COLQ: variants seen among roughly 807,000 people sequenced by gnomAD.
COLQ encodes the protein collagen like tail subunit of asymmetric acetylcholinesterase.
In COLQ, 48 loss-of-function variants were observed where a neutral mutation model predicts 69.0. The ratio of observed to expected loss-of-function variants is 0.70; its 90% CI spans 0.55 to 0.88. COLQ has a LOEUF of 0.88. Ranked by LOEUF, COLQ falls within the 40% of genes least tolerant of loss-of-function variation. The probability of loss-of-function intolerance (pLI) is 0.00; values close to 1 mark genes in which losing one functional copy is unlikely to be tolerated. For missense variants in COLQ, 618 were observed against 594.6 expected (o/e 1.04, Z -0.41); for synonymous variants, 217 against 211.2 (o/e 1.03, Z -0.24).
Position 15,458,229 on chromosome 3 carries a change from T to C in COLQ, c.911A>G (p.Tyr304Cys). The C allele has an allele frequency of 6.2e-7, 1 of 1,614,050 alleles. No homozygotes were observed. The highest frequency in any genetic ancestry group is 8.5e-7 in the Non-Finnish European group (1 of 1,179,994). Residue 304 changes from tyrosine to cysteine, a missense_variant, in exon 13 of 17, where the codon TAC becomes TGC. Coordinates refer to ENST00000383788, the MANE Select transcript of COLQ (RefSeq NM_005677.4). The part of the protein sequence containing the change: ...GPTMNVNNPS[Y>C]GESVYGPSSP... ...ACTGGGCCCATACACAGATTCCCCG[T>C]AGGAAGGGTTATTCACATTCATAGT...
chr3:15,463,294 C>A (rs146350594), intron 12 of COLQ, among the ~76,000 whole-genome samples: 19 of 152,076 alleles, frequency 1.2e-4, no homozygotes, highest in African/African-American at 3.6e-4. Flanking sequence ...CTGGACTACT[C>A]CTCAGTTTTT....
Position 15,488,286 on chromosome 3 carries a change from T to C in COLQ, c.241A>G (p.Asn81Asp), listed in dbSNP as rs748826424. The C allele has an allele frequency of 3.7e-6, 6 of 1,613,462 alleles. No homozygotes were observed. The Admixed American group carries it at 6.7e-5, about 18-fold the overall frequency. The change falls in exon 3 of 17, where the codon AAT (asparagine) becomes GAT (aspartate). Residue 81 changes from asparagine (N) to aspartate (D), a missense_variant. Coordinates refer to ENST00000383788, the MANE Select transcript of COLQ (RefSeq NM_005677.4). The stretch of plus-strand genomic sequence containing the variant: ...GAGGTCTCCAGTTCCAGCATGAGAT[T>C]CTTCATGTCTGGGGAGAGAAGCTTC... ...RSPLLSPDMK[N>D]LMLELETSQS...
chr3:15,490,972 C>T lies in COLQ; in HGVS notation c.107-1335G>A, dbSNP rs186603119. ...TGACTCCAAGCTTGAATCTCCTCCCCGGCATCTCTGAATGATGGGCATTGG... is the reference window on the plus strand; with the variant it reads ...TGACTCCAAGCTTGAATCTCCTCCCTGGCATCTCTGAATGATGGGCATTGG... On this transcript the variant is annotated intron_variant, in intron 1 of 16. Transcript: ENST00000383788. 2.2e-3 allele frequency among the ~76,000 whole-genome samples: 338 copies of T among 152,248 alleles called. 3 individuals are homozygous for T. Among genetic ancestry groups the T allele is most frequent in the Non-Finnish European group, 3.8e-3 (261 of 68,016 alleles).
Position 15,473,121 on chromosome 3 carries a change from T to C in COLQ, c.636+879A>G, listed in dbSNP as rs2062319296. Among the ~76,000 whole-genome samples, 1 of 151,920 alleles carries C rather than the reference T, an allele frequency of 6.6e-6. No individual in the cohort carries two copies. Among genetic ancestry groups the C allele is most frequent in the Non-Finnish European group, 1.5e-5 (1 of 68,012 alleles). On this transcript the variant is annotated intron_variant, in intron 10 of 16. Transcript: ENST00000383788. This position sits in a 1 kb window ranked among gnomAD's most constrained non-coding sequence, Gnocchi z 4.0. ...GAAATGGACCCTTTTTTATTAAGCC[T>C]TGTCCCAAGCAAGATATCCATTAAA...
At chr3:15,476,677 A>T (rs2062383565) in intron 6 of COLQ, among the ~76,000 whole-genome samples, 1 of 152,238 alleles carries the variant, frequency 6.6e-6, no homozygotes, top group African/African-American at 2.4e-5. Flanking sequence ...TGACTGAGGA[A>T]GGAGATTTCA....
chr3:15,501,945 A>T (rs2062835953), intron 1 of COLQ, among the ~76,000 whole-genome samples: 1 of 152,162 alleles, frequency 6.6e-6, no homozygotes, highest in Non-Finnish European at 1.5e-5. Flanking sequence ...AACCTATTGC[A>T]ATAGTCTTGG....
At chr3:15,475,314 G>A in intron 7 of COLQ, 111 bp downstream of exon 7, 3 of 1,088,476 alleles carry the variant, frequency 2.8e-6, no homozygotes, top group African/African-American at 1.6e-5. Context: ...CAATATCCGC[G>A]ACATTCCCTA....
chr3:15,506,297 T>C (rs2062910006), intron 1 of COLQ, among the ~76,000 whole-genome samples: 1 of 152,224 alleles, frequency 6.6e-6, no homozygotes, highest in Admixed American at 6.5e-5. Context: ...CATCTTGTGC[T>C]CCAGATGAAA....
chr3:15,461,574 AG>A (rs1211435724), intron 12 of COLQ, among the ~76,000 whole-genome samples: 4 of 152,180 alleles, frequency 2.6e-5, no homozygotes, highest in East Asian at 3.9e-4. Flanking sequence ...TCAGTGGGAA[AG>A]GATCAGGAAA....
chr3:15,479,683 T>C (rs1201781198), intron 3 of COLQ, among the ~76,000 whole-genome samples: 4 of 152,236 alleles, frequency 2.6e-5, no homozygotes, highest in Non-Finnish European at 4.4e-5. Context: ...TCCCAAGTGC[T>C]TGTTGAGAGC....
chr3:15,510,227 G>A (rs939907446), intron 1 of COLQ, among the ~76,000 whole-genome samples: 4 of 151,548 alleles, frequency 2.6e-5, no homozygotes, highest in Non-Finnish European at 4.4e-5. Flanking sequence ...CCCAGGAGGA[G>A]GCAAGTGGCT....
chr3:15,499,087 G>A (rs1423315230), intron 1 of COLQ, among the ~76,000 whole-genome samples: 1 of 149,820 alleles, frequency 6.7e-6, no homozygotes, highest in Admixed American at 6.8e-5. Context: ...TCATGGCCAG[G>A]GGTCTCAGCT....
intron 1 of COLQ, among the ~76,000 whole-genome samples, chr3:15,504,538 C>CT (rs1253337985): frequency 2.0e-5 from 3 of 152,148 alleles, no homozygotes; most frequent in African/African-American, 7.2e-5. Flanking sequence ...AACTTAATCA[C>CT]TTTTATAAAG....
chr3:15,494,233 T>C (rs1355776737), intron 1 of COLQ, among the ~76,000 whole-genome samples: 2 of 152,120 alleles, frequency 1.3e-5, no homozygotes, highest in East Asian at 3.9e-4. Context: ...AGGATCAAAA[T>C]GGTGCTGGAG....
chr3:15,458,124 A>G (rs1049154760), intron 13 of COLQ, 62 bp downstream of exon 13: 1 of 1,584,596 alleles, frequency 6.3e-7, no homozygotes, highest in Non-Finnish European at 8.7e-7. Context: ...ACAAAGCCCC[A>G]TAAGGATCAG....
intron 1 of COLQ, among the ~76,000 whole-genome samples, chr3:15,517,653 T>C (rs1169880830): frequency 6.6e-6 from 1 of 152,044 alleles, no homozygotes; most frequent in Non-Finnish European, 1.5e-5. Context: ...CAATAAATGG[T>C]TGTTGTTTTG....
chr3:15,472,067 A>T lies in COLQ; in HGVS notation c.637-1451T>A, dbSNP rs75336527. 1.3e-3 allele frequency among the ~76,000 whole-genome samples: 205 copies of T among 152,214 alleles called. 3 individuals are homozygous for T. The East Asian group carries it at 0.029, about 22-fold the overall frequency. On this transcript the variant is annotated intron_variant, in intron 10 of 16. Coordinates refer to ENST00000383788, the MANE Select transcript of COLQ (RefSeq NM_005677.4). ...ATTTCTTGATCTAATTTCTCTCCCA[A>T]GACCTAATTATGGTCATCATATCAG... is the stretch of plus-strand genomic sequence containing the variant.
At position 15,455,846 on chromosome 3, in the gene COLQ, C is replaced by G. The variant is rs748636506; in HGVS notation, c.1195+53G>C. 9.3e-6 allele frequency: 15 copies of G among 1,611,642 alleles called. No individual in the cohort carries two copies. The Admixed American group carries it at 1.3e-4, about 14-fold the overall frequency. ...CTGGTGTCCAGGGCTGGCCCTGAGT[C>G]CCACCCCCCTGCTGTTCAGGCCTCA... is the stretch of plus-strand genomic sequence containing the variant. On this transcript the variant is annotated intron_variant, in intron 15 of 16. Transcript: ENST00000383788.
chr3:15,498,373 G>T (rs2062779397), intron 1 of COLQ: 1 of 864,046 alleles, frequency 1.2e-6, no homozygotes, highest in Non-Finnish European at 1.7e-6. Context: ...CCCTGTGAAA[G>T]AAAAACTTAA....
Sources: gnomAD v4.1 joint callset for allele counts (sites outside exome capture counted in the v4.1 genomes callset) on GRCh38, gnomAD v4.1.1 for gene constraint, Gnocchi (gnomAD v3.1) non-coding constraint, MANE v1.5 for transcripts, NCBI Gene and HGNC (gene_info 2026-07-23, HGNC 2026-07-21) for gene names.